MAP4K5: variants seen among roughly 807,000 people sequenced by gnomAD.
MAP4K5 encodes the protein mitogen-activated protein kinase kinase kinase kinase 5.
In MAP4K5, 82 loss-of-function variants were observed where a neutral mutation model predicts 135.6. The ratio of observed to expected loss-of-function variants is 0.60; its 90% CI spans 0.51 to 0.73. MAP4K5 has a LOEUF of 0.73. Among genes scored for constraint, MAP4K5 ranks in the 30% least tolerant of loss-of-function variants. The pLI, the probability that MAP4K5 is intolerant of heterozygous loss-of-function variation, is 0.00. For synonymous variants in MAP4K5, 347 were observed against 335.0 expected (o/e 1.04, Z -0.39); for missense variants, 907 against 1,010.9 (o/e 0.90, Z 1.39).
Position 50,428,773 on chromosome 14 carries a change from G to A in MAP4K5, c.2234-19C>T. Reference sequence around the variant, plus strand: ...ACAAATTCTTAAAAAAAAAAAACAAGTCAAGACTGGACATGCAAATCTGCT... The same window carrying A: ...ACAAATTCTTAAAAAAAAAAAACAAATCAAGACTGGACATGCAAATCTGCT... On this transcript the variant is annotated intron_variant, in intron 29 of 32. Coordinates refer to ENST00000682126, the MANE Select transcript of MAP4K5 (RefSeq NM_006575.6). The A allele has an allele frequency of 2.7e-6, 3 of 1,113,328 alleles. No homozygotes were observed. The highest frequency in any genetic ancestry group is 3.8e-6 in the Non-Finnish European group (3 of 784,304). The allele number at this position is 1,113,328 out of a possible 1,614,324, so 69.0% of individuals were successfully genotyped here. A position where few individuals can be genotyped will look rare whatever the true frequency, so the allele number is the denominator to read the frequency against.
At chr14:50,520,291 T>G (rs949332215) in intron 2 of MAP4K5, among the ~76,000 whole-genome samples, 5 of 152,078 alleles carry the variant, frequency 3.3e-5, no homozygotes, top group African/African-American at 9.7e-5. Context: ...CTGAGGTCGG[T>G]AGTTCAAGAC....
In MAP4K5 at chr14:50,468,751, T is replaced by A; in HGVS notation, c.574A>T (p.Asn192Tyr). The A allele has an allele frequency of 6.2e-7, 1 of 1,611,788 alleles. No individual in the cohort carries two copies. Among genetic ancestry groups the A allele is most frequent in the Non-Finnish European group, 8.5e-7 (1 of 1,178,780 alleles). The change falls in exon 10 of 33, where the codon AAT becomes TAT. Residue 192 changes from asparagine to tyrosine, a missense_variant. Asn to Tyr is a moderately radical substitution (Grantham distance 143, BLOSUM62 -2). Transcript: ENST00000682126. ...TCACAGAGTTGGTTGTAGCCACCAT[T>A]CTTCTCTACTGCTGCAACTTCTGGG... Reference protein sequence around the residue: ...MAPEVAAVEKNGGYNQLCDIW... With the variant: ...MAPEVAAVEKYGGYNQLCDIW...
rs906097698 is a variant in MAP4K5, at chr14:50,462,731, C to T, written c.870G>A (p.Leu290=). The change falls in exon 13 of 33, where the codon CTG becomes CTA. Residue 290 remains leucine (L), a synonymous_variant. Coordinates refer to ENST00000682126, the MANE Select transcript of MAP4K5 (RefSeq NM_006575.6). The part of the protein sequence containing the change: ...PGLSRALAVE[L]LDKVNNPDNH... ...TATCTGGATTGTTCACTTTGTCTAA[C>T]AGTTCAACTGCTAGGGCTCTAGAGA... is the stretch of plus-strand genomic sequence containing the variant. 29 of 1,604,514 alleles carry T rather than the reference C, an allele frequency of 1.8e-5. No homozygotes were observed. The highest frequency in any genetic ancestry group is 8.5e-7 in the Non-Finnish European group (1 of 1,177,588).
chr14:50,477,104 T>C (rs1036601186), intron 6 of MAP4K5, among the ~76,000 whole-genome samples: 7 of 152,222 alleles, frequency 4.6e-5, no homozygotes, highest in African/African-American at 1.7e-4. Flanking sequence ...TATTGAGTCT[T>C]CTGGTTTGTG....
intron 9 of MAP4K5, 21 bp from the exon 10 acceptor site, chr14:50,468,803 C>G (rs755072778): frequency 6.3e-7 from 1 of 1,591,370 alleles, no homozygotes; most frequent in Non-Finnish European, 8.6e-7. Context: ...TCAATGAATA[C>G]AACATTTTTG....
At position 50,453,766 on chromosome 14, in the gene MAP4K5, T is replaced by G. The variant is rs537964516; in HGVS notation, c.1015+2750A>C. Among the ~76,000 whole-genome samples, 14 of 152,254 alleles carry G rather than the reference T, an allele frequency of 9.2e-5. No homozygotes were observed. The South Asian group carries it at 2.7e-3, about 29-fold the overall frequency. ...TCCCTACTTTGCATTAAGTCATCAT[T>G]TAAAATTCACCTGAACTCTACTCTT... On this transcript the variant is annotated intron_variant, in intron 14 of 32. Coordinates refer to ENST00000682126, the MANE Select transcript of MAP4K5 (RefSeq NM_006575.6).
intron 2 of MAP4K5, among the ~76,000 whole-genome samples, chr14:50,508,838 C>T (rs1484993647): frequency 3.3e-5 from 5 of 152,048 alleles, no homozygotes; most frequent in Non-Finnish European, 4.4e-5. Flanking sequence ...CCTCAAGGAT[C>T]TAGAACTAGA....
chr14:50,542,086 G>C (rs918790433), intron 2 of MAP4K5, among the ~76,000 whole-genome samples: 6 of 139,656 alleles, frequency 4.3e-5, no homozygotes, highest in Non-Finnish European at 7.6e-5. Context: ...TTGTCTGTTT[G>C]AAAGGCAACT....
At position 50,432,573 on chromosome 14, in the gene MAP4K5, A is replaced by C. The variant is rs879501532; in HGVS notation, c.2164+1821T>G. 2.5e-3 allele frequency among the ~76,000 whole-genome samples: 385 copies of C among 151,760 alleles called. 1 individual carries two copies. The highest frequency in any genetic ancestry group is 3.9e-3 in the Non-Finnish European group (268 of 67,992). On this transcript the variant is annotated intron_variant, in intron 28 of 32. Coordinates refer to ENST00000682126, the MANE Select transcript of MAP4K5 (RefSeq NM_006575.6). ...AAAACTCTCAAAAAAAAAAAAAAAA[A>C]AAACAAAAAAACGCAAACTCAAACA...
chr14:50,497,200 CATA>C (rs146055386), intron 3 of MAP4K5, among the ~76,000 whole-genome samples: 9,977 of 152,068 alleles, frequency 0.066, 662 homozygotes, highest in African/African-American at 0.17. Flanking sequence ...TGTTTTGGTT[CATA>C]ATAAGTAAAT....
At chr14:50,519,669 T>A (rs1330357802) in intron 2 of MAP4K5, among the ~76,000 whole-genome samples, 1 of 151,394 alleles carries the variant, frequency 6.6e-6, no homozygotes, top group East Asian at 1.9e-4. Flanking sequence ...ATAAATAAAA[T>A]AAATAAAAAT....
At chr14:50,436,984 G>GT (rs2036109134) in intron 26 of MAP4K5, among the ~76,000 whole-genome samples, 2 of 151,776 alleles carry the variant, frequency 1.3e-5, no homozygotes, top group South Asian at 2.1e-4. Context: ...AATTGTAATC[G>GT]TAACTATGAG....
At chr14:50,500,816 C>A (rs1005774506) in intron 3 of MAP4K5, among the ~76,000 whole-genome samples, 1 of 152,060 alleles carries the variant, frequency 6.6e-6, no homozygotes, top group Non-Finnish European at 1.5e-5. Flanking sequence ...AGAGAGAAAT[C>A]GAGGTTAATG....
chr14:50,429,813 T>C (rs2035930358), intron 28 of MAP4K5, among the ~76,000 whole-genome samples: 1 of 152,132 alleles, frequency 6.6e-6, no homozygotes, highest in Non-Finnish European at 1.5e-5. Flanking sequence ...AACAATATTG[T>C]CAAGAACATC....
In MAP4K5 at chr14:50,421,344, C is replaced by T. The variant is rs573962288; in HGVS notation, c.2454-1238G>A. Among the ~76,000 whole-genome samples, 4 of 151,922 alleles carry T rather than the reference C, an allele frequency of 2.6e-5. No individual in the cohort carries two copies. In the South Asian group the frequency reaches 6.2e-4, roughly 24 times the overall value. ...CGTGATCTCGGCACACTGCAACCTC[C>T]GCAACCTGGGTTCAAGTGATTCTCC... On this transcript the variant is annotated intron_variant, in intron 32 of 32. Transcript: ENST00000682126.
chr14:50,555,375 G>A (rs543510400), intron 1 of MAP4K5, among the ~76,000 whole-genome samples: 13 of 152,226 alleles, frequency 8.5e-5, no homozygotes, highest in Admixed American at 4.6e-4. Flanking sequence ...TCTGCCTCCC[G>A]GGTTCAAGCA....
rs2037345896 is a variant in MAP4K5, at chr14:50,485,574, G to A, written c.322+4C>T. ...TTTAAAATGTAAAGTCAAATTAACA[G>A]TACCATGGTAAATATCTTGAAGTGA... On this transcript the variant is annotated splice_donor_region_variant and intron_variant, in intron 5 of 32. Transcript: ENST00000682126. 1 of 1,523,508 alleles carries A rather than the reference G, an allele frequency of 6.6e-7. No individual in the cohort carries two copies. Among genetic ancestry groups the A allele is most frequent in the East Asian group, 2.4e-5 (1 of 41,144 alleles). 94.4% of individuals were successfully genotyped at this position (1,523,508 alleles called of 1,614,324 possible). A position where few individuals can be genotyped will look rare whatever the true frequency, so the allele number is the denominator to read the frequency against.
rs558039248 is a variant in MAP4K5 at position 50,531,993 on chromosome 14, G to C, written c.57C>G (p.Asp19Glu). 6.2e-7 allele frequency: 1 copy of C among 1,602,786 alleles called. No homozygotes were observed. Among genetic ancestry groups the C allele is most frequent in the Admixed American group, 1.7e-5 (1 of 59,092 alleles). Residue 19 changes from aspartate (D) to glutamate (E), a missense_variant, in exon 2 of 33, where the codon GAC (aspartate) becomes GAG (glutamate). By Grantham distance (45) the Asp-to-Glu change is conservative (BLOSUM62 2). This residue lies in a region of MAP4K5 where 196 missense variants were observed against 189.3 expected (regional missense o/e 1.04). Transcript: ENST00000682126. ...TGCCGACCCTCTGGACGAGTTCGTA[G>C]TCCTGCTGCGGGTTCCGCCTCAGGA... is the stretch of plus-strand genomic sequence containing the variant. The part of the protein sequence containing the change: ...ADILRRNPQQ[D>E]YELVQRVGSG...
intron 1 of MAP4K5, among the ~76,000 whole-genome samples, chr14:50,550,635 A>C (rs938160724): frequency 6.6e-6 from 1 of 152,262 alleles, no homozygotes; most frequent in Non-Finnish European, 1.5e-5. Context: ...ACTAAAAGAT[A>C]TGTGCCCTTA....
Sources: allele counts gnomAD v4.1 joint callset (sites outside exome capture counted in the v4.1 genomes callset), GRCh38; gene constraint gnomAD v4.1.1; regional missense constraint gnomAD v4.1.1; transcripts MANE v1.5; gene names NCBI Gene and HGNC (gene_info 2026-07-23, HGNC 2026-07-21).